SUSD1: variants seen among roughly 807,000 people sequenced by gnomAD.
The protein encoded by SUSD1 is sushi domain containing 1.
Under a neutral mutation model 86.9 loss-of-function variants are expected in SUSD1, and 65 were observed. The ratio of observed to expected loss-of-function variants is 0.75; its 90% CI spans 0.61 to 0.92. The LOEUF (loss-of-function observed/expected upper bound fraction) is 0.92, where lower values mean the gene tolerates loss of function less well. Among genes scored for constraint, SUSD1 ranks in the 40% least tolerant of loss-of-function variants. The pLI, the probability that SUSD1 is intolerant of heterozygous loss-of-function variation, is 0.00. For missense variants in SUSD1, 850 were observed against 929.7 expected (o/e 0.91, Z 1.11); for synonymous variants, 346 against 350.0 (o/e 0.99, Z 0.13).
rs565834339 is a variant in SUSD1 at position 112,041,439 on chromosome 9, C to A, written c.*53G>T. The A allele has an allele frequency of 7.7e-6, 6 of 780,892 alleles. No individual in the cohort carries two copies. The East Asian group carries it at 1.5e-4, about 19-fold the overall frequency. The allele number at this position is 780,892 out of a possible 1,614,324, so 48.4% of individuals were successfully genotyped here. A position where few individuals can be genotyped will look rare whatever the true frequency, so the allele number is the denominator to read the frequency against. On this transcript the variant is annotated 3_prime_UTR_variant, in exon 17 of 17. Coordinates refer to ENST00000374270, the MANE Select transcript of SUSD1 (RefSeq NM_022486.5). ...TCTGTGCGGGCACCTGAGAAGCTGC[C>A]AGAACACCTGCCCAGCAGCAGTGCA...
chr9:112,136,782 A>G (rs983063905), intron 5 of SUSD1, among the ~76,000 whole-genome samples: 1 of 152,170 alleles, frequency 6.6e-6, no homozygotes, highest in Non-Finnish European at 1.5e-5. Flanking sequence ...TTGTGGTACA[A>G]TTTATGTCGA....
At chr9:112,152,874 C>T (rs1477637395) in intron 2 of SUSD1, among the ~76,000 whole-genome samples, 4 of 150,214 alleles carry the variant, frequency 2.7e-5, no homozygotes, top group African/African-American at 9.8e-5. Context: ...CCTGCCTCGA[C>T]TTCTTGAATA....
chr9:112,092,856 GAAGA>G (rs1047119615), intron 10 of SUSD1, among the ~76,000 whole-genome samples: 23 of 152,094 alleles, frequency 1.5e-4, no homozygotes, highest in African/African-American at 4.8e-4. Flanking sequence ...CCATAAAACA[GAAGA>G]AAGGCAACAT....
At chr9:112,075,034 C>G (rs1430521214) in intron 12 of SUSD1, among the ~76,000 whole-genome samples, 1 of 152,196 alleles carries the variant, frequency 6.6e-6, no homozygotes, top group East Asian at 1.9e-4. Flanking sequence ...AACCCCCTCC[C>G]CTTTACTCAA....
At chr9:112,106,329 G>A (rs1290706105) in intron 8 of SUSD1, among the ~76,000 whole-genome samples, 2 of 151,998 alleles carry the variant, frequency 1.3e-5, no homozygotes, top group African/African-American at 4.8e-5. Flanking sequence ...AAAGCTTCCA[G>A]TTCCCAACGT....
chr9:112,066,714 G>A (rs568529405), intron 12 of SUSD1, among the ~76,000 whole-genome samples: 16 of 152,174 alleles, frequency 1.1e-4, no homozygotes, highest in East Asian at 5.8e-4. Context: ...TTTCTGTGGA[G>A]AGCGGCCCTT....
chr9:112,163,067 T>A (rs1833636892), intron 1 of SUSD1, among the ~76,000 whole-genome samples: 1 of 152,168 alleles, frequency 6.6e-6, no homozygotes, highest in African/African-American at 2.4e-5. Flanking sequence ...CAAATGCAAA[T>A]TTTTTAGATT....
chr9:112,094,032 C>A (rs16916661), intron 10 of SUSD1, among the ~76,000 whole-genome samples: 1 of 152,048 alleles, frequency 6.6e-6, no homozygotes, highest in Non-Finnish European at 1.5e-5. Flanking sequence ...TAGAGCAATG[C>A]GACTCAAAAT....
chr9:112,082,117 AG>A (rs1267140812), intron 10 of SUSD1, among the ~76,000 whole-genome samples: 1 of 152,200 alleles, frequency 6.6e-6, no homozygotes, highest in Non-Finnish European at 1.5e-5. Flanking sequence ...GAAAAAGGCA[AG>A]AAAAAAAAAT....
Position 112,112,789 on chromosome 9 carries a change from GT to G in SUSD1, c.965del (p.Asn322ThrfsTer7), listed in dbSNP as rs1831159051. 1 of 1,611,814 alleles carries G rather than the reference GT, an allele frequency of 6.2e-7. No individual in the cohort carries two copies. Among genetic ancestry groups the G allele is most frequent in the African/African-American group, 1.3e-5 (1 of 74,874 alleles). On this transcript the variant is annotated frameshift_variant, in exon 7 of 17. Coordinates refer to ENST00000374270, the MANE Select transcript of SUSD1 (RefSeq NM_022486.5). LOFTEE classifies it high-confidence loss of function. ...VRWQINSRRI[N>X]PKISYVISIK... Reference sequence around the variant, plus strand: ...TACTTACCACATATGAGATCTTGGGGTTTATTCTTCTTGAGTTTATTTGCCA... The same window carrying G: ...TACTTACCACATATGAGATCTTGGGGTTATTCTTCTTGAGTTTATTTGCCA...
intron 14 of SUSD1, among the ~76,000 whole-genome samples, chr9:112,056,946 GC>G (rs1044948137): frequency 1.3e-5 from 2 of 152,140 alleles, no homozygotes; most frequent in African/African-American, 4.8e-5. Context: ...AAATGTCTAT[GC>G]CCCTTGCTCA....
At chr9:112,068,015 C>T (rs1018150868) in intron 12 of SUSD1, among the ~76,000 whole-genome samples, 1 of 152,174 alleles carries the variant, frequency 6.6e-6, no homozygotes, top group Non-Finnish European at 1.5e-5. Flanking sequence ...ATTCATATAT[C>T]TGCATTCAAC....
intron 5 of SUSD1, among the ~76,000 whole-genome samples, chr9:112,131,400 G>C (rs1832029036): frequency 6.6e-6 from 1 of 152,204 alleles, no homozygotes; most frequent in African/African-American, 2.4e-5. Flanking sequence ...GCTGGAAATA[G>C]ATGTCTCTCT....
chr9:112,101,614 G>A (rs957318810), intron 9 of SUSD1, among the ~76,000 whole-genome samples: 12 of 151,890 alleles, frequency 7.9e-5, no homozygotes, highest in African/African-American at 2.7e-4. Context: ...GGGAGGCCGA[G>A]GAGGGCAGAT....
In SUSD1 at chr9:112,170,983, G is replaced by C. The variant is rs1384116832; in HGVS notation, c.103+4150C>G. ...CCACCTCGGCTTCCCAAAATGTTGG[G>C]ATTATAGGCGTGAGCCACCGCACCC... On this transcript the variant is annotated intron_variant, in intron 1 of 16. Transcript: ENST00000374270. Among the ~76,000 whole-genome samples, 2 of 152,108 alleles carry C rather than the reference G, an allele frequency of 1.3e-5. 1 individual carries two copies.
intron 10 of SUSD1, among the ~76,000 whole-genome samples, chr9:112,085,216 G>A (rs1398545341): frequency 6.6e-6 from 1 of 152,216 alleles, no homozygotes; most frequent in African/African-American, 2.4e-5. Context: ...CTCTGAGTAA[G>A]ACATGCTTTC....
intron 10 of SUSD1, among the ~76,000 whole-genome samples, chr9:112,080,854 T>A (rs943650874): frequency 6.6e-6 from 1 of 152,176 alleles, no homozygotes; most frequent in African/African-American, 2.4e-5. Context: ...AAGAGCAACA[T>A]TTCAGCAGAG....
intron 12 of SUSD1, among the ~76,000 whole-genome samples, chr9:112,074,982 A>G (rs529553591): frequency 6.6e-6 from 1 of 152,258 alleles, no homozygotes; most frequent in South Asian, 2.1e-4. Context: ...CTAAAGCTCT[A>G]TTCAGCCTAC....
intron 12 of SUSD1, among the ~76,000 whole-genome samples, chr9:112,071,534 T>C (rs1413282789): frequency 6.6e-6 from 1 of 152,112 alleles, no homozygotes; most frequent in Non-Finnish European, 1.5e-5. Flanking sequence ...AAAATATTAA[T>C]ATCACTAATG....
Sources: allele counts gnomAD v4.1 joint callset (sites outside exome capture counted in the v4.1 genomes callset), GRCh38; gene constraint gnomAD v4.1.1; transcripts MANE v1.5; gene names NCBI Gene and HGNC (gene_info 2026-07-23, HGNC 2026-07-21).